The following CCDC81 variants were observed in gnomAD, a reference collection of about 807,000 sequenced individuals.
The protein encoded by CCDC81 is coiled-coil domain-containing protein 81.
In CCDC81, 79 loss-of-function variants were observed where a neutral mutation model predicts 83.7. The ratio of observed to expected loss-of-function variants is 0.94; its 90% CI spans 0.79 to 1.14. The LOEUF is 1.14. Ranked by LOEUF, CCDC81 falls within the 50% of genes most tolerant of loss-of-function variation. The pLI is 0.00. For missense variants in CCDC81, 791 were observed against 778.1 expected, an observed-to-expected ratio of 1.02 and a Z score of -0.20; for synonymous variants, 252 against 278.1, an observed-to-expected ratio of 0.91 and a Z score of 0.93.
In CCDC81 at chr11:86,415,244, G is replaced by C; in HGVS notation, c.1622G>C (p.Arg541Thr). Residue 541 changes from arginine (R) to threonine (T), a missense_variant, in exon 13 of 15, where the codon AGG becomes ACG. Arg to Thr is a moderately conservative substitution (Grantham distance 71). Transcript: ENST00000445632. ...HQLEAAANHK[R>T]KAILHQLVDQ... is the part of the protein sequence containing the mutation. ...CTGGAGGCAGCTGCTAACCACAAGAGGAAAGCCATCCTGCATCAACTAGTG... is the reference window on the plus strand; with the variant it reads ...CTGGAGGCAGCTGCTAACCACAAGACGAAAGCCATCCTGCATCAACTAGTG... The C allele has an allele frequency of 6.2e-7, 1 of 1,614,146 alleles. No individual in the cohort carries two copies. The highest frequency in any genetic ancestry group is 8.5e-7 in the Non-Finnish European group (1 of 1,180,030).
At chr11:86,385,039 A>C (rs937811572) in intron 1 of CCDC81, among the ~76,000 whole-genome samples, 6 of 150,888 alleles carry the variant, frequency 4.0e-5, no homozygotes, top group African/African-American at 1.5e-4. Flanking sequence ...TGCCAAGTGT[A>C]TGCATTAATT....
rs1020365366 is a variant in CCDC81 at position 86,389,666 on chromosome 11, C to T, written c.298+1994C>T. Among the ~76,000 whole-genome samples, 8 of 152,306 alleles carry T rather than the reference C, an allele frequency of 5.3e-5. No individual in the cohort carries two copies. In the East Asian group the frequency reaches 7.7e-4, roughly 15 times the overall value. On this transcript the variant is annotated intron_variant, in intron 3 of 14. Transcript: ENST00000445632. ...AAATTCACTCCCATGACCCAATCAC[C>T]TCCCACCAGGCCCCTCCTCCAATTA...
At chr11:86,389,713 C>T (rs547160405) in intron 3 of CCDC81, among the ~76,000 whole-genome samples, 1 of 152,288 alleles carries the variant, frequency 6.6e-6, no homozygotes, top group African/African-American at 2.4e-5. Context: ...TGGGCAGGGA[C>T]ACAAATCCAG....
rs1158263362 is a variant in CCDC81, at chr11:86,386,129, T to TATTAATTTATTAATAA, written c.141+32_141+47dup. The TATTAATTTATTAATAA allele has an allele frequency of 2.7e-5, 24 of 905,592 alleles. No individual in the cohort carries two copies. The African/African-American group carries it at 3.9e-4, about 15-fold the overall frequency. 56.1% of individuals were successfully genotyped at this position (905,592 alleles called of 1,614,324 possible). A position where few individuals can be genotyped will look rare whatever the true frequency, so the allele number is the denominator to read the frequency against. ...CTGCACAAGGTAAGATTTATTAATTTATTAATTTATTAATAAATTAATTTA... is the reference window on the plus strand; with the variant it reads ...CTGCACAAGGTAAGATTTATTAATTTATTAATTTATTAATAAATTAATTTATTAATAAATTAATTTA... On this transcript the variant is annotated intron_variant, in intron 2 of 14. Transcript: ENST00000445632.
intron 8 of CCDC81, among the ~76,000 whole-genome samples, 198 bp downstream of exon 8, chr11:86,407,899 C>G (rs920311681): frequency 6.6e-6 from 1 of 152,100 alleles, no homozygotes. Flanking sequence ...GTTGAGAAAT[C>G]CCTTTCTAAG....
chr11:86,385,896 G>A (rs985499563), intron 1 of CCDC81, among the ~76,000 whole-genome samples, 155 bp from the exon 2 acceptor site: 6 of 151,886 alleles, frequency 4.0e-5, no homozygotes, highest in African/African-American at 1.2e-4. Context: ...TTAACTTTTG[G>A]GAATGGCCTT....
chr11:86,384,568 C>G (rs1948216879), intron 1 of CCDC81, among the ~76,000 whole-genome samples: 1 of 152,204 alleles, frequency 6.6e-6, no homozygotes, highest in East Asian at 1.9e-4. Context: ...CTCTGATATA[C>G]CAGAATTAAA....
chr11:86,419,753 A>AT, intron 13 of CCDC81, 175 bp from the exon 14 acceptor site: 1 of 499,830 alleles, frequency 2.0e-6, no homozygotes, highest in Non-Finnish European at 3.2e-6. Context: ...TCCATAAATT[A>AT]TTTGAGAGCT....
At chr11:86,413,971 G>A (rs531669459) in intron 11 of CCDC81, among the ~76,000 whole-genome samples, 1 of 152,098 alleles carries the variant, frequency 6.6e-6, no homozygotes, top group Non-Finnish European at 1.5e-5. Context: ...TAAGAAGCAA[G>A]TTTCTGTGAT....
rs776751966 is a variant in CCDC81 at position 86,387,513 on chromosome 11, C to T, written c.142-3C>T. The T allele has an allele frequency of 1.9e-6, 3 of 1,612,150 alleles. No homozygotes were observed. The African/African-American group carries it at 4.0e-5, about 22-fold the overall frequency. On this transcript the variant is annotated splice_region_variant and splice_polypyrimidine_tract_variant and intron_variant, in intron 2 of 14. Coordinates refer to ENST00000445632, the MANE Select transcript of CCDC81 (RefSeq NM_001156474.2). ...TCTGTTTTGTTTTGTTTTTTCCTTTCAGGGGGTTCAGATTCCAGCATTTGG... is the reference window on the plus strand; with the variant it reads ...TCTGTTTTGTTTTGTTTTTTCCTTTTAGGGGGTTCAGATTCCAGCATTTGG...
chr11:86,413,541 G>A (rs964156130), intron 11 of CCDC81, among the ~76,000 whole-genome samples: 15 of 152,068 alleles, frequency 9.9e-5, no homozygotes, highest in African/African-American at 3.4e-4. Context: ...TTCTGTATCA[G>A]TACCACAATT....
rs1948392495 is a variant in CCDC81, at chr11:86,395,389, C to T, written c.611C>T (p.Pro204Leu). 1 of 1,613,938 alleles carries T rather than the reference C, an allele frequency of 6.2e-7. No homozygotes were observed. Among genetic ancestry groups the T allele is most frequent in the East Asian group, 2.2e-5 (1 of 44,856 alleles). Residue 204 changes from proline (P) to leucine (L), a missense_variant, in exon 5 of 15, where the codon CCC becomes CTC. Physicochemically the swap from Pro to Leu is moderately conservative, Grantham distance 98 (BLOSUM62 -3). Coordinates refer to ENST00000445632, the MANE Select transcript of CCDC81 (RefSeq NM_001156474.2). ...AGCAGAGAGGCCTTGAGGAAGTGGC[C>T]CAGCAGTGTGCTTGCGTTTCCAAGG... ...LSSREALRKW[P>L]SSVLAFPRIE...
intron 4 of CCDC81, among the ~76,000 whole-genome samples, chr11:86,393,469 T>C (rs1297863861): frequency 6.6e-6 from 1 of 152,214 alleles, no homozygotes; most frequent in Non-Finnish European, 1.5e-5. Context: ...AAGTAGGGGC[T>C]CAGAGAGGCT....
intron 3 of CCDC81, among the ~76,000 whole-genome samples, chr11:86,391,301 G>C (rs1260653743): frequency 6.6e-6 from 1 of 152,228 alleles, no homozygotes; most frequent in Non-Finnish European, 1.5e-5. Context: ...CTCAGGTCTT[G>C]TTAATTTTCA....
At chr11:86,399,848 C>A (rs560867941) in intron 6 of CCDC81, among the ~76,000 whole-genome samples, 2 of 152,070 alleles carry the variant, frequency 1.3e-5, no homozygotes, top group South Asian at 4.2e-4. Flanking sequence ...TTTGGCTGGG[C>A]ATGGTGGCTC....
intron 11 of CCDC81, among the ~76,000 whole-genome samples, chr11:86,414,121 A>G (rs1286847902): frequency 6.6e-6 from 1 of 152,214 alleles, no homozygotes; most frequent in Non-Finnish European, 1.5e-5. Flanking sequence ...AAAATAAATC[A>G]GTTTATAGAA....
At chr11:86,420,146 T>A (rs1948771428) in intron 14 of CCDC81, 93 bp downstream of exon 14, 1 of 1,441,728 alleles carries the variant, frequency 6.9e-7, no homozygotes, top group Admixed American at 2.2e-5. Context: ...AGTGGCTGCC[T>A]AGAGAACCTT....
chr11:86,396,005 T>TA (rs1166881567), intron 5 of CCDC81, among the ~76,000 whole-genome samples: 1 of 152,196 alleles, frequency 6.6e-6, no homozygotes, highest in African/African-American at 2.4e-5. Context: ...GCAGTATTAG[T>TA]AAAACTCTTC....
rs1484874013 is a variant in CCDC81 at position 86,400,767 on chromosome 11, A to C, written c.847A>C (p.Ser283Arg). The change falls in exon 7 of 15, where the codon AGT becomes CGT. Residue 283 changes from serine (S) to arginine (R), a missense_variant. Coordinates refer to ENST00000445632, the MANE Select transcript of CCDC81 (RefSeq NM_001156474.2). Reference sequence around the variant, plus strand: ...CAGCTTGCTGGAAAAGTTTGAACGAAGTGAGAGTGGTGGGAAGATTATGAC... The same window carrying C: ...CAGCTTGCTGGAAAAGTTTGAACGACGTGAGAGTGGTGGGAAGATTATGAC... ...NVSLLEKFER[S>R]ESGGKIMTPE... The C allele has an allele frequency of 6.2e-7, 1 of 1,612,790 alleles. No individual in the cohort carries two copies. Among genetic ancestry groups the C allele is most frequent in the Admixed American group, 1.7e-5 (1 of 59,992 alleles).
Sources: gnomAD v4.1 joint callset for allele counts (sites outside exome capture counted in the v4.1 genomes callset) on GRCh38, gnomAD v4.1.1 for gene constraint, MANE v1.5 for transcripts, NCBI Gene and HGNC (gene_info 2026-07-23, HGNC 2026-07-21) for gene names.